The following SLC15A1 variants were observed in gnomAD, a reference collection of about 807,000 sequenced individuals.
SLC15A1 encodes solute carrier family 15 member 1, also known as Caco-2 oligopeptide transporter.
SLC15A1 carries 83 observed loss-of-function variants against 92.9 expected under a neutral mutation model. The ratio of observed to expected loss-of-function variants is 0.89; its 90% confidence interval spans 0.75 to 1.07. The LOEUF (loss-of-function observed/expected upper bound fraction) is 1.07. SLC15A1 is among the 50% of genes least tolerant of loss of function. SLC15A1 has a pLI of 0.00. For missense variants in SLC15A1, 857 were observed against 880.1 expected (o/e 0.97, Z 0.33); for synonymous variants, 322 against 318.2 (o/e 1.01, Z -0.13).
intron 1 of SLC15A1, among the ~76,000 whole-genome samples, chr13:98,751,491 G>A (rs775703949): frequency 6.6e-6 from 1 of 152,198 alleles, no homozygotes; most frequent in Non-Finnish European, 1.5e-5. Context: ...TGACAGGTGG[G>A]ACTTGTTTGA....
intron 7 of SLC15A1, among the ~76,000 whole-genome samples, chr13:98,719,587 G>A (rs917257738): frequency 3.3e-5 from 5 of 152,106 alleles, no homozygotes; most frequent in African/African-American, 1.2e-4. Flanking sequence ...TTGGTTCTGT[G>A]GATTTTCTTT....
intron 8 of SLC15A1, among the ~76,000 whole-genome samples, chr13:98,718,050 C>T (rs181079876): frequency 5.7e-4 from 83 of 146,694 alleles, no homozygotes; most frequent in Middle Eastern, 3.5e-3. Flanking sequence ...ATATGGGGGG[C>T]GGGGGGAGGT....
chr13:98,696,134 C>A (rs2088018731), intron 18 of SLC15A1, among the ~76,000 whole-genome samples: 1 of 151,558 alleles, frequency 6.6e-6, no homozygotes, highest in African/African-American at 2.4e-5. Context: ...AGCTTTGGGA[C>A]TGGGCACGGT....
chr13:98,708,623 G>A, intron 15 of SLC15A1, 63 bp downstream of exon 15: 3 of 1,409,840 alleles, frequency 2.1e-6, no homozygotes, highest in Non-Finnish European at 2.9e-6. Context: ...GAAGAAAGAA[G>A]ATTCTGAACG....
At chr13:98,716,482 T>A (rs2088212177) in intron 8 of SLC15A1, among the ~76,000 whole-genome samples, 1 of 151,636 alleles carries the variant, frequency 6.6e-6, no homozygotes, top group African/African-American at 2.4e-5. Context: ...ATTAGCTGGG[T>A]GTGGTGATGG....
intron 18 of SLC15A1, among the ~76,000 whole-genome samples, chr13:98,695,364 A>G (rs1486900532): frequency 1.3e-5 from 2 of 151,934 alleles, no homozygotes; most frequent in Non-Finnish European, 2.9e-5. Context: ...TAGGACCACA[A>G]GCATGCACTG....
intron 1 of SLC15A1, among the ~76,000 whole-genome samples, chr13:98,744,847 C>G (rs2088480539): frequency 6.6e-6 from 1 of 150,390 alleles, no homozygotes; most frequent in African/African-American, 2.4e-5. Flanking sequence ...ATAAGAATAT[C>G]TGTAAGAAAG....
intron 18 of SLC15A1, among the ~76,000 whole-genome samples, chr13:98,697,213 G>A (rs1250636522): frequency 2.0e-5 from 3 of 152,064 alleles, no homozygotes; most frequent in East Asian, 1.9e-4. Flanking sequence ...GCACCACCAC[G>A]CCCGGCTAAT....
At chr13:98,688,822 G>C (rs528048338) in intron 18 of SLC15A1, among the ~76,000 whole-genome samples, 6 of 152,328 alleles carry the variant, frequency 3.9e-5, no homozygotes, top group Non-Finnish European at 8.8e-5. Flanking sequence ...ACTGCTCTAA[G>C]TACTTTGTAA....
In SLC15A1 at chr13:98,706,122, C is replaced by T; in HGVS notation, c.1269+12G>A. Reference sequence around the variant, plus strand: ...AAGATGAAAAAGAAGGCAGCAATTTCCTTCTACTTACTTGAGACATTGGGC... The same window carrying T: ...AAGATGAAAAAGAAGGCAGCAATTTTCTTCTACTTACTTGAGACATTGGGC... On this transcript the variant is annotated intron_variant, in intron 16 of 22. Coordinates refer to ENST00000376503, the MANE Select transcript of SLC15A1 (RefSeq NM_005073.4). The T allele has an allele frequency of 6.3e-7, 1 of 1,599,676 alleles. No individual in the cohort carries two copies. The highest frequency in any genetic ancestry group is 8.5e-7 in the Non-Finnish European group (1 of 1,176,808).
chr13:98,736,055 C>A (rs1157451051), intron 1 of SLC15A1, among the ~76,000 whole-genome samples: 2 of 152,092 alleles, frequency 1.3e-5, no homozygotes, highest in Non-Finnish European at 2.9e-5. Context: ...GCAAAAAGAA[C>A]AAAGCTGGAG....
intron 1 of SLC15A1, among the ~76,000 whole-genome samples, chr13:98,743,050 G>A (rs541076922): frequency 2.6e-5 from 4 of 152,122 alleles, no homozygotes; most frequent in Non-Finnish European, 4.4e-5. Context: ...CTGAGATTAC[G>A]GGCACGAGCC....
At position 98,683,934 on chromosome 13, in the gene SLC15A1, A is replaced by G. The variant is rs1417001431; in HGVS notation, c.*790T>C. 6.6e-6 allele frequency: 1 copy of G among 152,182 alleles called. No homozygotes were observed. 9.4% of individuals were successfully genotyped at this position (152,182 alleles called of 1,614,324 possible). A position where few individuals can be genotyped will look rare whatever the true frequency, so the allele number is the denominator to read the frequency against. On this transcript the variant is annotated 3_prime_UTR_variant, in exon 23 of 23. Transcript: ENST00000376503. The stretch of plus-strand genomic sequence containing the variant: ...AGAAAAACAAAATAACAAAAACCCA[A>G]AGGTAAAGTTATCAGTTAATACCAG...
chr13:98,686,329 C>G (rs553466497), intron 21 of SLC15A1, 32 bp from the exon 22 acceptor site: 1 of 1,458,828 alleles, frequency 6.9e-7, no homozygotes, highest in Non-Finnish European at 9.5e-7. Flanking sequence ...AGTCCTGCTC[C>G]AGGTCTCACC....
chr13:98,724,558 G>A (rs541908203), intron 4 of SLC15A1, among the ~76,000 whole-genome samples: 12 of 152,274 alleles, frequency 7.9e-5, no homozygotes, highest in African/African-American at 9.6e-5. Flanking sequence ...GGAAAGATCC[G>A]CCTCCTGGGT....
At chr13:98,745,508 C>T (rs1439910790) in intron 1 of SLC15A1, among the ~76,000 whole-genome samples, 1 of 152,158 alleles carries the variant, frequency 6.6e-6, no homozygotes. Context: ...TGGGACAAGG[C>T]GGTCCCTCAT....
intron 6 of SLC15A1, 35 bp from the exon 7 acceptor site, chr13:98,721,620 C>T (rs1420964328): frequency 1.3e-6 from 2 of 1,484,714 alleles, no homozygotes; most frequent in Non-Finnish European, 9.3e-7. Context: ...ATGACTTTGG[C>T]TATCAATCCA....
chr13:98,729,501 G>A (rs892372130), intron 1 of SLC15A1, among the ~76,000 whole-genome samples: 3 of 152,176 alleles, frequency 2.0e-5, no homozygotes, highest in African/African-American at 7.2e-5. Context: ...GTGATGTCCT[G>A]CTGCCTAATG....
intron 18 of SLC15A1, among the ~76,000 whole-genome samples, chr13:98,701,355 A>G (rs2088065341): frequency 6.6e-6 from 1 of 152,174 alleles, no homozygotes; most frequent in South Asian, 2.1e-4. Flanking sequence ...AGTACATTGA[A>G]CAGTGATGGA....
Sources: allele counts gnomAD v4.1 joint callset (sites outside exome capture counted in the v4.1 genomes callset), GRCh38; gene constraint gnomAD v4.1.1; transcripts MANE v1.5; gene names NCBI Gene and HGNC (gene_info 2026-07-23, HGNC 2026-07-21).